Variants in EWSR1 observed in about 807,000 individuals in gnomAD.
EWSR1 encodes EWS RNA binding protein 1.
EWSR1 carries 14 observed loss-of-function variants against 92.1 expected under a neutral mutation model. That is an observed-to-expected ratio of 0.15 (90% CI 0.10 to 0.24). The LOEUF (loss-of-function observed/expected upper bound fraction) is 0.24. Among genes scored for constraint, EWSR1 ranks in the 10% least tolerant of loss-of-function variants. The pLI, the probability that EWSR1 is intolerant of heterozygous loss-of-function variation, is 1.00. For synonymous variants in EWSR1, 303 were observed against 292.9 expected (o/e 1.03, Z -0.35); for missense variants, 637 against 870.9 (o/e 0.73, Z 3.38).
chr22:29,275,825 A>G (rs1760162485), intron 4 of EWSR1: 1 of 231,854 alleles, frequency 4.3e-6, no homozygotes, highest in African/African-American at 2.2e-5. Flanking sequence ...ACGTTGAACA[A>G]AAGTTTTGGT....
chr22:29,277,342 T>G (rs534311574), intron 4 of EWSR1: 2 of 225,180 alleles, frequency 8.9e-6, no homozygotes, highest in Non-Finnish European at 1.8e-5. Context: ...AAACATTACC[T>G]TTTAAATGTT....
chr22:29,272,159 T>C, intron 1 of EWSR1, 57 bp from the exon 2 acceptor site: 1 of 1,519,498 alleles, frequency 6.6e-7, no homozygotes, highest in Non-Finnish European at 9.1e-7. Flanking sequence ...CCCCCTTTTT[T>C]CTCTTCTCCT....
At chr22:29,300,023 CTAA>C in intron 16 of EWSR1, 96 bp from the exon 17 acceptor site, 4 of 516,098 alleles carry the variant, frequency 7.8e-6, no homozygotes, top group Non-Finnish European at 2.5e-6. Context: ...CCTTCCCATT[CTAA>C]CCGATTGGGA....
At chr22:29,289,955 T>C in intron 8 of EWSR1, 1 of 231,774 alleles carries the variant, frequency 4.3e-6, no homozygotes, top group East Asian at 6.2e-5. Flanking sequence ...CACTTCTTTT[T>C]GGATGTTTTA....
chr22:29,281,604 G>C (rs1167904269), intron 5 of EWSR1, among the ~76,000 whole-genome samples: 1 of 151,192 alleles, frequency 6.6e-6, no homozygotes, highest in Non-Finnish European at 1.5e-5. Flanking sequence ...TTTTTGAGAC[G>C]GAGTCTTGCT....
At chr22:29,290,322 C>T (rs2060356721) in intron 8 of EWSR1, 2 of 1,292,490 alleles carry the variant, frequency 1.5e-6, no homozygotes, top group Middle Eastern at 1.9e-4. Flanking sequence ...TGTTAACATG[C>T]CCTTTTTCAT....
Position 29,287,526 on chromosome 22 carries a change from CAG to C in EWSR1, c.793+393_793+394del, listed in dbSNP as rs990616115. 1.4e-4 allele frequency among the ~76,000 whole-genome samples: 22 copies of C among 152,188 alleles called. No homozygotes were observed. The East Asian group carries it at 2.1e-3, about 15-fold the overall frequency. ...CCCAGCCACGTTTGGAGTTTTTGAA[CAG>C]GGGGAATACTCTTTGCCATTGTTTG... is the stretch of plus-strand genomic sequence containing the variant. On this transcript the variant is annotated intron_variant, in intron 7 of 16. Transcript: ENST00000397938.
intron 6 of EWSR1, among the ~76,000 whole-genome samples, chr22:29,284,082 C>T (rs1376694430): frequency 6.6e-6 from 1 of 151,294 alleles, no homozygotes; most frequent in East Asian, 1.9e-4. Context: ...GATCCGCCTG[C>T]CTCGGCCTCC....
chr22:29,291,210 A>T (rs2060417238), intron 8 of EWSR1: 1 of 288,188 alleles, frequency 3.5e-6, no homozygotes, highest in Admixed American at 5.2e-5. Context: ...ACAGCAGTTA[A>T]CCCCCACTTG....
intron 8 of EWSR1, chr22:29,289,665 AC>A (rs1480951494): frequency 1.3e-5 from 3 of 232,562 alleles, no homozygotes; most frequent in African/African-American, 6.6e-5. Context: ...TTAGATATTT[AC>A]ATTTGATACG....
chr22:29,286,882 T>C, intron 6 of EWSR1, 41 bp from the exon 7 acceptor site: 1 of 1,539,860 alleles, frequency 6.5e-7, no homozygotes. Flanking sequence ...CAAGCCTCTT[T>C]CTAAAAAAGC....
At position 29,287,095 on chromosome 22, in the gene EWSR1, A is replaced by G; in HGVS notation, c.754A>G (p.Ser252Gly). The change falls in exon 7 of 17, where the codon AGT becomes GGT. Residue 252 changes from serine to glycine, a missense_variant. Ser to Gly is a moderately conservative substitution (Grantham distance 56). This residue lies in a region of EWSR1 where 116 missense variants were observed against 167.8 expected (regional missense o/e 0.69). Coordinates refer to ENST00000397938, the MANE Select transcript of EWSR1 (RefSeq NM_005243.4). ...PQTGSYSQAP[S>G]QYSQQSSSYG... is the part of the protein sequence containing the mutation. ...AACTGGATCCTACAGCCAAGCTCCA[A>G]GTCAATATAGCCAACAGAGCAGCAG... 1 of 1,614,106 alleles carries G rather than the reference A, an allele frequency of 6.2e-7. No individual in the cohort carries two copies. Among genetic ancestry groups the G allele is most frequent in the Non-Finnish European group, 8.5e-7 (1 of 1,179,958 alleles).
At chr22:29,296,597 TTCC>T (rs2060881605) in intron 12 of EWSR1, among the ~76,000 whole-genome samples, 1 of 152,184 alleles carries the variant, frequency 6.6e-6, no homozygotes, top group African/African-American at 2.4e-5. Flanking sequence ...TGGCAAACAC[TTCC>T]TAAGCACAGA....
At chr22:29,283,891 A>G (rs1456661171) in intron 6 of EWSR1, among the ~76,000 whole-genome samples, 2 of 150,092 alleles carry the variant, frequency 1.3e-5, no homozygotes, top group African/African-American at 5.0e-5. Flanking sequence ...CTGGAGTGCA[A>G]TGGCGTGATC....
chr22:29,276,341 C>T (rs1201727712), intron 4 of EWSR1: 1 of 228,434 alleles, frequency 4.4e-6, no homozygotes, highest in Non-Finnish European at 8.7e-6. Flanking sequence ...TTGGGGCTTC[C>T]TGTTTTCTGG....
At chr22:29,294,886 C>T (rs567447263) in intron 11 of EWSR1, among the ~76,000 whole-genome samples, 1 of 151,226 alleles carries the variant, frequency 6.6e-6, no homozygotes. Context: ...GCACTCCAGC[C>T]TGGCGACAGA....
In EWSR1 at chr22:29,300,282, G is replaced by T; in HGVS notation, c.*121G>T. On this transcript the variant is annotated 3_prime_UTR_variant, in exon 17 of 17. Coordinates refer to ENST00000397938, the MANE Select transcript of EWSR1 (RefSeq NM_005243.4). ...ACAACATTATGATTATTCCTTGTCT[G>T]TACTTTAGTATTTTTCACCATTTGT... 2 of 948,538 alleles carry T rather than the reference G, an allele frequency of 2.1e-6. No homozygotes were observed. Among genetic ancestry groups the T allele is most frequent in the Non-Finnish European group, 3.2e-6 (2 of 629,860 alleles). 58.8% of individuals were successfully genotyped at this position (948,538 alleles called of 1,614,324 possible). A position where few individuals can be genotyped will look rare whatever the true frequency, so the allele number is the denominator to read the frequency against.
intron 5 of EWSR1, among the ~76,000 whole-genome samples, chr22:29,281,562 C>T (rs149370032): frequency 0.013 from 1,923 of 152,270 alleles, 54 homozygotes; most frequent in African/African-American, 0.045. Context: ...GCCTCAGCCT[C>T]CCAAAGTGCT....
chr22:29,273,473 T>C (rs1441703836), intron 3 of EWSR1, among the ~76,000 whole-genome samples: 1 of 152,224 alleles, frequency 6.6e-6, no homozygotes, highest in Admixed American at 6.5e-5. Context: ...TATCTTTTTT[T>C]TCCCCCTTTT....
Sources: gnomAD v4.1 joint callset for allele counts (sites outside exome capture counted in the v4.1 genomes callset) on GRCh38, gnomAD v4.1.1 for gene constraint, gnomAD v4.1.1 regional missense constraint, MANE v1.5 for transcripts, NCBI Gene and HGNC (gene_info 2026-07-23, HGNC 2026-07-21) for gene names.